The following RABIF variants were observed in gnomAD, a reference collection of about 807,000 sequenced individuals.
RABIF encodes the protein RAB interacting factor.
Under a neutral mutation model 12.3 loss-of-function variants are expected in RABIF, and 13 were observed. The observed-to-expected ratio is 1.06, with a 90% confidence interval of 0.69 to 1.68. The LOEUF (loss-of-function observed/expected upper bound fraction) is 1.68, where lower values mean the gene tolerates loss of function less well. Among genes scored for constraint, RABIF ranks in the 40% most tolerant of loss-of-function variants. RABIF has a pLI of 0.00. For synonymous variants in RABIF, 70 were observed against 63.3 expected, an observed-to-expected ratio of 1.11 and a Z score of -0.50; for missense variants, 153 against 158.0, an observed-to-expected ratio of 0.97 and a Z score of 0.17.
chr1:202,889,084 C>G lies in RABIF; in HGVS notation c.15G>C (p.Glu5Asp). 6.2e-7 allele frequency: 1 copy of G among 1,607,694 alleles called. No homozygotes were observed. Among genetic ancestry groups the G allele is most frequent in the East Asian group, 2.3e-5 (1 of 44,062 alleles). The part of the protein sequence containing the change: MEPA[E>D]QPSELVSAEG... ...CGGCTGACACTAACTCGCTCGGCTG[C>G]TCCGCTGGTTCCATCGCCGCTGCCG... Residue 5 changes from glutamate to aspartate, a missense_variant, in exon 1 of 2, where the codon GAG becomes GAC. By Grantham distance (45) the Glu-to-Asp change is conservative. Transcript: ENST00000367262.
At position 202,880,202 on chromosome 1, in the gene RABIF, A is replaced by G. The variant is rs1659466753; in HGVS notation, c.*776T>C. On this transcript the variant is annotated 3_prime_UTR_variant, in exon 2 of 2. Transcript: ENST00000367262. ...CTCATATCCTACACCCTCCACTCTC[A>G]TTCTAAGAGAGCCTGAGTAAACAGC... 6.6e-6 allele frequency: 1 copy of G among 152,236 alleles called. No individual in the cohort carries two copies. The highest frequency in any genetic ancestry group is 6.5e-5 in the Admixed American group (1 of 15,284). The allele number at this position is 152,236 out of a possible 1,614,324, so 9.4% of individuals were successfully genotyped here.
chr1:202,882,854 G>T (rs1348193348), intron 1 of RABIF, among the ~76,000 whole-genome samples: 1 of 151,998 alleles, frequency 6.6e-6, no homozygotes, highest in Non-Finnish European at 1.5e-5. Flanking sequence ...TCAACTATTT[G>T]TTAAGAGAAT....
intron 1 of RABIF, among the ~76,000 whole-genome samples, chr1:202,884,933 C>CA (rs1659538190): frequency 6.6e-6 from 1 of 151,470 alleles, no homozygotes; most frequent in Non-Finnish European, 1.5e-5. Flanking sequence ...TAAAAAAATG[C>CA]AAAAAATTAG....
intron 1 of RABIF, among the ~76,000 whole-genome samples, chr1:202,883,182 C>A (rs1389344078): frequency 1.3e-5 from 2 of 152,196 alleles, no homozygotes; most frequent in Non-Finnish European, 2.9e-5. Flanking sequence ...CCATTTCCCA[C>A]CCCACGATAT....
chr1:202,883,631 A>G (rs941281347), intron 1 of RABIF, among the ~76,000 whole-genome samples: 10 of 152,200 alleles, frequency 6.6e-5, no homozygotes, highest in Non-Finnish European at 5.9e-5. Context: ...TGTGTCCAAC[A>G]AAACAGAAAA....
chr1:202,888,845 G>A, intron 1 of RABIF, 128 bp downstream of exon 1: 1 of 1,296,506 alleles, frequency 7.7e-7, no homozygotes, highest in South Asian at 1.7e-5. Flanking sequence ...AGGCCCGAGG[G>A]GCGGGGCTTA....
chr1:202,887,496 A>C (rs1015609512), intron 1 of RABIF, among the ~76,000 whole-genome samples: 3 of 111,026 alleles, frequency 2.7e-5, no homozygotes, highest in Admixed American at 1.2e-4. Flanking sequence ...GAGGTTAAAT[A>C]ACTTTTTTTT....
intron 1 of RABIF, among the ~76,000 whole-genome samples, chr1:202,886,233 C>CGGGGAACGGGGAACG (rs59213992): frequency 1.5e-5 from 2 of 131,030 alleles, no homozygotes; most frequent in Non-Finnish European, 3.2e-5. Context: ...CAACGGGGAA[C>CGGGGAACGGGGAACG]GGGAACGGGG....
chr1:202,880,746 G>T lies in RABIF; in HGVS notation c.*232C>A. 3 of 1,283,128 alleles carry T rather than the reference G, an allele frequency of 2.3e-6. No homozygotes were observed. The highest frequency in any genetic ancestry group is 3.0e-6 in the Non-Finnish European group (3 of 1,009,790). The allele number at this position is 1,283,128 out of a possible 1,614,324, so 79.5% of individuals were successfully genotyped here. A position where few individuals can be genotyped will look rare whatever the true frequency, so the allele number is the denominator to read the frequency against. ...AGGTAAGCACAGTGTCCCAAAACTG[G>T]GGGAAAAGGGAGCTTAGGAAATGTG... On this transcript the variant is annotated 3_prime_UTR_variant, in exon 2 of 2. Coordinates refer to ENST00000367262, the MANE Select transcript of RABIF (RefSeq NM_002871.5).
intron 1 of RABIF, among the ~76,000 whole-genome samples, chr1:202,883,949 T>C (rs959035499): frequency 6.6e-6 from 1 of 152,296 alleles, no homozygotes; most frequent in South Asian, 2.1e-4. Context: ...CCAAGGACCA[T>C]TGCTAGGGCC....
chr1:202,880,726 A>G lies in RABIF; in HGVS notation c.*252T>C. The G allele has an allele frequency of 1.6e-6, 2 of 1,236,796 alleles. No homozygotes were observed. The highest frequency in any genetic ancestry group is 3.4e-5 in the East Asian group (1 of 29,252). The allele number at this position is 1,236,796 out of a possible 1,614,324, so 76.6% of individuals were successfully genotyped here. A position where few individuals can be genotyped will look rare whatever the true frequency, so the allele number is the denominator to read the frequency against. ...GGAAGAGATGAGATTTTTGGAGGTA[A>G]GCACAGTGTCCCAAAACTGGGGGAA... is the stretch of plus-strand genomic sequence containing the variant. On this transcript the variant is annotated 3_prime_UTR_variant, in exon 2 of 2. Transcript: ENST00000367262.
At chr1:202,885,039 A>G (rs552831215) in intron 1 of RABIF, among the ~76,000 whole-genome samples, 2 of 147,816 alleles carry the variant, frequency 1.4e-5, no homozygotes, top group African/African-American at 5.1e-5. Context: ...GTGAGCAGAG[A>G]TCGTGCCACT....
chr1:202,882,304 C>T (rs1370032578), intron 1 of RABIF, among the ~76,000 whole-genome samples: 1 of 152,118 alleles, frequency 6.6e-6, no homozygotes, highest in Non-Finnish European at 1.5e-5. Flanking sequence ...TTGCTTGAGC[C>T]CAGGAGGTGG....
chr1:202,887,053 A>C (rs1049496799), intron 1 of RABIF, among the ~76,000 whole-genome samples: 30 of 150,434 alleles, frequency 2.0e-4, no homozygotes, highest in African/African-American at 5.9e-4. Flanking sequence ...TTTTTAAAGA[A>C]AAAACAATTA....
rs1055545018 is a variant in RABIF, at chr1:202,878,726, C to T, written c.*2252G>A. Among the ~76,000 whole-genome samples the T allele has an allele frequency of 1.3e-5, 2 of 152,190 alleles. No individual in the cohort carries two copies. Among genetic ancestry groups the T allele is most frequent in the African/African-American group, 4.8e-5 (2 of 41,458 alleles). On this transcript the variant is annotated 3_prime_UTR_variant, in exon 2 of 2. Coordinates refer to ENST00000367262, the MANE Select transcript of RABIF (RefSeq NM_002871.5). ...AATAGAAAACGGAAGTTTCTATACT[C>T]GGAGCAGAAAGCACAGGTTGCCTCT...
rs930525485 is a variant in RABIF, at chr1:202,880,001, A to G, written c.*977T>C. On this transcript the variant is annotated 3_prime_UTR_variant, in exon 2 of 2. Coordinates refer to ENST00000367262, the MANE Select transcript of RABIF (RefSeq NM_002871.5). Reference sequence around the variant, plus strand: ...TCCATGCATCTGGATGGAAGTTTGTATCCTGGGTTGGCACAGAGATTCCAG... The same window carrying G: ...TCCATGCATCTGGATGGAAGTTTGTGTCCTGGGTTGGCACAGAGATTCCAG... The G allele has an allele frequency of 6.6e-6, 1 of 152,238 alleles. No homozygotes were observed. Among genetic ancestry groups the G allele is most frequent in the African/African-American group, 2.4e-5 (1 of 41,462 alleles). 9.4% of individuals were successfully genotyped at this position (152,238 alleles called of 1,614,324 possible). A position where few individuals can be genotyped will look rare whatever the true frequency, so the allele number is the denominator to read the frequency against.
rs1047227946 is a variant in RABIF at position 202,888,821 on chromosome 1, G to A, written c.126+152C>T. ...AGCCTTCAGCGGCCCCAGGGGCGGAGCCTCGCCGAGCTGAGGCCCGAGGGG... is the reference window on the plus strand; with the variant it reads ...AGCCTTCAGCGGCCCCAGGGGCGGAACCTCGCCGAGCTGAGGCCCGAGGGG... On this transcript the variant is annotated intron_variant, in intron 1 of 1. Transcript: ENST00000367262. The A allele has an allele frequency of 8.9e-6, 10 of 1,119,102 alleles. 2 individuals are homozygous for A. The South Asian group carries it at 1.2e-4, about 13-fold the overall frequency. 69.3% of individuals were successfully genotyped at this position (1,119,102 alleles called of 1,614,324 possible).
At chr1:202,884,559 CTG>C (rs755951630) in intron 1 of RABIF, among the ~76,000 whole-genome samples, 2 of 152,154 alleles carry the variant, frequency 1.3e-5, no homozygotes, top group African/African-American at 2.4e-5. Flanking sequence ...CCTTCAGCCA[CTG>C]TGTTAGAAGT....
chr1:202,886,218 G>A (rs1438156643), intron 1 of RABIF, among the ~76,000 whole-genome samples: 1 of 105,010 alleles, frequency 9.5e-6, no homozygotes, highest in East Asian at 3.0e-4. Flanking sequence ...GCTTTTGACA[G>A]AGCACAACGG....
Sources: allele counts gnomAD v4.1 joint callset (sites outside exome capture counted in the v4.1 genomes callset), GRCh38; gene constraint gnomAD v4.1.1; transcripts MANE v1.5; gene names NCBI Gene and HGNC (gene_info 2026-07-23, HGNC 2026-07-21).